The following DMD variants were observed in gnomAD, a reference collection of about 807,000 sequenced individuals.
The protein encoded by DMD is mutant dystrophin.
DMD carries 63 observed loss-of-function variants against 330.1 expected under a neutral mutation model. That is an observed-to-expected ratio of 0.19 (90% CI 0.16 to 0.24). The LOEUF (loss-of-function observed/expected upper bound fraction) is 0.24, where lower values mean the gene tolerates loss of function less well. Among genes scored for constraint, DMD ranks in the 10% least tolerant of loss-of-function variants. The probability of loss-of-function intolerance (pLI) is 1.00; values close to 1 mark genes in which losing one functional copy is unlikely to be tolerated. For missense variants in DMD, 3,344 were observed against 2,684.1 expected, an observed-to-expected ratio of 1.25 and a Z score of -5.43; for synonymous variants, 1,223 against 959.8, an observed-to-expected ratio of 1.27 and a Z score of -5.07.
chrX:31,559,598 G>A (rs1479642676), intron 55 of DMD, among the ~76,000 whole-genome samples: 1 of 57,473 alleles, frequency 1.7e-5, no homozygotes, highest in Non-Finnish European at 2.8e-5. Context: ...TCGAGATCGC[G>A]CCACTGCACT....
chrX:32,336,689 T>C (rs773373551), intron 41 of DMD, among the ~76,000 whole-genome samples: 155 of 111,996 alleles, frequency 1.4e-3, no homozygotes, highest in African/African-American at 4.8e-3. Flanking sequence ...CATAACCAGA[T>C]TATACATCAA....
rs374706872 is a variant in DMD, at chrX:31,973,282, G to A, written c.6439-4768C>T. On this transcript the variant is annotated intron_variant, in intron 44 of 78. Transcript: ENST00000357033. ...AGCAGTTAGGAAAATGGAGAGAAGG[G>A]CAAAATAGTATAGAAAAAAAAAAGA... Among the ~76,000 whole-genome samples, 83 of 106,456 alleles carry A rather than the reference G, an allele frequency of 7.8e-4. 1 individual carries two copies. Among genetic ancestry groups the A allele is most frequent in the African/African-American group, 2.8e-3 (81 of 29,045 alleles). 92.4% of individuals were successfully genotyped at this position (106,456 alleles called of 115,157 possible).
At chrX:32,255,064 G>C (rs981026435) in intron 43 of DMD, among the ~76,000 whole-genome samples, 23 of 111,752 alleles carry the variant, frequency 2.1e-4, no homozygotes, top group African/African-American at 7.2e-4. Context: ...AACTACTCTA[G>C]GTGGAATATC....
chrX:31,870,511 A>G (rs2093873301), intron 48 of DMD, among the ~76,000 whole-genome samples: 1 of 112,019 alleles, frequency 8.9e-6, no homozygotes, highest in Non-Finnish European at 1.9e-5. Context: ...TCACTAACTC[A>G]TCTCAGCACT....
intron 13 of DMD, among the ~76,000 whole-genome samples, chrX:32,589,527 T>C (rs1037598159): frequency 1.5e-4 from 17 of 110,952 alleles, no homozygotes; most frequent in African/African-American, 5.2e-4. Context: ...TTTAACTATA[T>C]ACACATTTAT....
intron 5 of DMD, among the ~76,000 whole-genome samples, chrX:32,820,447 TAA>T (rs1215458943): frequency 5.5e-5 from 6 of 109,856 alleles, no homozygotes; most frequent in African/African-American, 2.0e-4. Context: ...GTCTCAAAAA[TAA>T]AAAATAAAAA....
chrX:32,816,708 T>C, intron 5 of DMD, 68 bp from the exon 6 acceptor site: 2 of 1,035,759 alleles, frequency 1.9e-6, no homozygotes, highest in Non-Finnish European at 2.7e-6. Context: ...AACTTAAATA[T>C]GAATGTCCTT....
At chrX:32,792,047 G>T (rs948217216) in intron 7 of DMD, among the ~76,000 whole-genome samples, 2 of 111,849 alleles carry the variant, frequency 1.8e-5, no homozygotes, top group Admixed American at 1.9e-4. Context: ...GAATTTCTCA[G>T]AAGAAACCTT....
At chrX:31,906,477 G>T (rs2094480289) in intron 47 of DMD, among the ~76,000 whole-genome samples, 1 of 112,200 alleles carries the variant, frequency 8.9e-6, no homozygotes, top group Non-Finnish European at 1.9e-5. Context: ...TTCATCTACA[G>T]CAAATATTGG....
intron 2 of DMD, among the ~76,000 whole-genome samples, chrX:32,885,877 G>A (rs2084510173): frequency 9.8e-6 from 1 of 101,528 alleles, no homozygotes; most frequent in Admixed American, 1.1e-4. Context: ...TAGGCACACA[G>A]TTTTACTCAC....
At chrX:31,531,984 G>C (rs1282975477) in intron 55 of DMD, among the ~76,000 whole-genome samples, 1 of 84,546 alleles carries the variant, frequency 1.2e-5, no homozygotes, top group Non-Finnish European at 2.2e-5. Flanking sequence ...ATGGGACTAT[G>C]TGAAAAGACC....
rs1246560268 is a variant in DMD at position 32,902,154 on chromosome X, CACAA to C, written c.94-52338_94-52335del. ...TCCTCATAAGCAAGCATCACACACA[CACAA>C]ACACACACACACACACACACACACA... On this transcript the variant is annotated intron_variant, in intron 2 of 78. Coordinates refer to ENST00000357033, the MANE Select transcript of DMD (RefSeq NM_004006.3). 9.7e-4 allele frequency among the ~76,000 whole-genome samples: 72 copies of C among 74,220 alleles called. 1 individual carries two copies. Among genetic ancestry groups the C allele is most frequent in the African/African-American group, 4.1e-3 (67 of 16,248 alleles). 64.5% of individuals were successfully genotyped at this position (74,220 alleles called of 115,157 possible). A position where few individuals can be genotyped will look rare whatever the true frequency, so the allele number is the denominator to read the frequency against.
chrX:32,109,713 G>A (rs1261913192), intron 44 of DMD, among the ~76,000 whole-genome samples: 1 of 110,825 alleles, frequency 9.0e-6, no homozygotes, highest in Non-Finnish European at 1.9e-5. Flanking sequence ...AAGCATTTCT[G>A]GAGTGCGTGG....
chrX:33,217,133 T>C (rs1378473678), intron 1 of DMD, among the ~76,000 whole-genome samples: 1 of 111,462 alleles, frequency 9.0e-6, no homozygotes, highest in African/African-American at 3.3e-5. Flanking sequence ...TCCACAGTGA[T>C]CCATATTGGT....
chrX:32,845,290 T>A (rs1167801925), intron 3 of DMD, among the ~76,000 whole-genome samples: 2 of 112,066 alleles, frequency 1.8e-5, no homozygotes, highest in Non-Finnish European at 1.9e-5. Flanking sequence ...AAACCTTTTC[T>A]GTGAAGATTA....
intron 45 of DMD, among the ~76,000 whole-genome samples, chrX:31,942,739 G>A (rs919860331): frequency 1.8e-5 from 2 of 112,028 alleles, no homozygotes; most frequent in Non-Finnish European, 3.8e-5. Flanking sequence ...AGGAAATACT[G>A]TAATTTCCCA....
In DMD at chrX:31,373,972, C is replaced by T. The variant is rs1299647520; in HGVS notation, c.9085-25338G>A. On this transcript the variant is annotated intron_variant, in intron 60 of 78. Transcript: ENST00000357033. Reference sequence around the variant, plus strand: ...TCTACAATGAACTCAAACAAATGTACAAGAAAAAAACAAACAACCCCATCA... The same window carrying T: ...TCTACAATGAACTCAAACAAATGTATAAGAAAAAAACAAACAACCCCATCA... 8.3e-5 allele frequency among the ~76,000 whole-genome samples: 9 copies of T among 108,195 alleles called. No homozygotes were observed. The East Asian group carries it at 2.0e-3, about 24-fold the overall frequency. 94.0% of individuals were successfully genotyped at this position (108,195 alleles called of 115,157 possible). A position where few individuals can be genotyped will look rare whatever the true frequency, so the allele number is the denominator to read the frequency against.
At chrX:31,508,698 G>A (rs1019911073) in intron 55 of DMD, among the ~76,000 whole-genome samples, 3 of 111,776 alleles carry the variant, frequency 2.7e-5, no homozygotes, top group African/African-American at 9.8e-5. Flanking sequence ...TGCTCTTAGA[G>A]ATTTGTATGC....
At chrX:31,431,756 T>C (rs999518588) in intron 60 of DMD, among the ~76,000 whole-genome samples, 1 of 111,425 alleles carries the variant, frequency 9.0e-6, no homozygotes, top group Non-Finnish European at 1.9e-5. Flanking sequence ...GCAGATATGA[T>C]GCAACTGTTG....
Sources: gnomAD v4.1 joint callset for allele counts (sites outside exome capture counted in the v4.1 genomes callset) on GRCh38, gnomAD v4.1.1 for gene constraint, MANE v1.5 for transcripts, NCBI Gene and HGNC (gene_info 2026-07-23, HGNC 2026-07-21) for gene names.